PTPRK: variants seen among roughly 807,000 people sequenced by gnomAD.
PTPRK encodes the protein protein tyrosine phosphatase receptor type K, also known as receptor-type tyrosine-protein phosphatase kappa.
PTPRK carries 75 observed loss-of-function variants against 178.0 expected under a neutral mutation model. The observed-to-expected ratio is 0.42, with a 90% CI of 0.35 to 0.51. The LOEUF (loss-of-function observed/expected upper bound fraction) is 0.51. Ranked by LOEUF, PTPRK falls within the 20% of genes least tolerant of loss-of-function variation. The pLI, the probability that PTPRK is intolerant of heterozygous loss-of-function variation, is 0.02. For synonymous variants in PTPRK, 637 were observed against 620.6 expected (o/e 1.03, Z -0.39); for missense variants, 1,441 against 1,797.8 (o/e 0.80, Z 3.59).
intron 13 of PTPRK, among the ~76,000 whole-genome samples, chr6:128,039,903 C>T (rs1379897251): frequency 1.3e-5 from 2 of 152,050 alleles, no homozygotes; most frequent in Admixed American, 6.6e-5. Context: ...ATATTTAGCG[C>T]CTGGTGGAAG....
In PTPRK at chr6:127,995,474, G is replaced by A; in HGVS notation, c.2832C>T (p.Ala944=). The A allele has an allele frequency of 6.3e-7, 1 of 1,591,536 alleles. No homozygotes were observed. Among genetic ancestry groups the A allele is most frequent in the Non-Finnish European group, 8.6e-7 (1 of 1,162,972 alleles). The part of the protein sequence containing the change: ...EDDPSSDYIN[A]NYIDGYQRPS... The stretch of plus-strand genomic sequence containing the variant: ...TAAAAATACTTACATCAATATAGTT[G>A]GCATTAATATAATCTGAGGAAGGAT... The change falls in exon 18 of 30, where the codon GCC becomes GCT. Residue 944 remains alanine, a synonymous_variant. Transcript: ENST00000368226.
intron 21 of PTPRK, among the ~76,000 whole-genome samples, chr6:127,990,207 T>C (rs772082570): frequency 1.3e-5 from 2 of 152,084 alleles, no homozygotes; most frequent in Admixed American, 1.3e-4. Context: ...TCATTTTGTA[T>C]TTCTTTCCCC....
rs1019171212 is a variant in PTPRK, at chr6:128,520,591, C to T, written c.-233G>A. Reference sequence around the variant, plus strand: ...CTCTCCATGCTCGGCGGAGGCTGCTCCTGTTAGTCAAGAGTTACTTTGCTC... The same window carrying T: ...CTCTCCATGCTCGGCGGAGGCTGCTTCTGTTAGTCAAGAGTTACTTTGCTC... On this transcript the variant is annotated 5_prime_UTR_variant, in exon 1 of 30. Transcript: ENST00000368226. 1 of 522,400 alleles carries T rather than the reference C, an allele frequency of 1.9e-6. No individual in the cohort carries two copies. 32.4% of individuals were successfully genotyped at this position (522,400 alleles called of 1,614,324 possible). A position where few individuals can be genotyped will look rare whatever the true frequency, so the allele number is the denominator to read the frequency against.
intron 7 of PTPRK, among the ~76,000 whole-genome samples, chr6:128,147,844 C>T (rs1276058923): frequency 6.6e-6 from 1 of 152,166 alleles, no homozygotes; most frequent in African/African-American, 2.4e-5. Context: ...CAAGTGTCTC[C>T]TTTCCTTCTC....
chr6:128,179,256 T>C (rs1003415029), intron 7 of PTPRK, among the ~76,000 whole-genome samples: 1 of 152,068 alleles, frequency 6.6e-6, no homozygotes, highest in Non-Finnish European at 1.5e-5. Context: ...ACCTATTAAT[T>C]AACACGGTAC....
chr6:128,319,866 AT>A (rs1444290535), intron 3 of PTPRK, among the ~76,000 whole-genome samples: 2 of 152,208 alleles, frequency 1.3e-5, no homozygotes, highest in Non-Finnish European at 2.9e-5. Context: ...AAATGATTAA[AT>A]TGATAAAAAC....
chr6:128,199,410 T>C (rs567747802), intron 6 of PTPRK, among the ~76,000 whole-genome samples: 15 of 152,298 alleles, frequency 9.8e-5, no homozygotes, highest in African/African-American at 3.6e-4. Flanking sequence ...ATTAATGTTA[T>C]AAACCAAGAA....
At chr6:128,015,292 G>C (rs1241490484) in intron 13 of PTPRK, among the ~76,000 whole-genome samples, 1 of 151,676 alleles carries the variant, frequency 6.6e-6, no homozygotes, top group Non-Finnish European at 1.5e-5. Context: ...TCATAGTAAT[G>C]AAGAAGAAAT....
chr6:128,099,852 CTTA>C (rs1228413106), intron 7 of PTPRK, among the ~76,000 whole-genome samples: 2 of 151,910 alleles, frequency 1.3e-5, no homozygotes, highest in Non-Finnish European at 2.9e-5. Context: ...GTTGTGAAGT[CTTA>C]TATTAGGTTT....
intron 17 of PTPRK, 39 bp from the exon 18 acceptor site, chr6:127,995,577 TC>T (rs771403175): frequency 3.9e-6 from 5 of 1,295,122 alleles, no homozygotes; most frequent in East Asian, 5.0e-5. Context: ...TGTTAAATTT[TC>T]CCCCTGTTCT....
At chr6:128,410,451 T>C (rs1180429934) in intron 1 of PTPRK, among the ~76,000 whole-genome samples, 4 of 152,188 alleles carry the variant, frequency 2.6e-5, no homozygotes, top group African/African-American at 7.2e-5. Flanking sequence ...ATTCTGAGCA[T>C]ATTGTAAAAG....
At chr6:128,210,193 A>T (rs149391667) in intron 6 of PTPRK, among the ~76,000 whole-genome samples, 1,712 of 152,290 alleles carry the variant, frequency 0.011, 20 homozygotes, top group Middle Eastern at 0.031. Context: ...AAATATGAAT[A>T]ACGGAATCTA....
In PTPRK at chr6:128,489,565, T is replaced by C. The variant is rs143245576; in HGVS notation, c.100+30694A>G. On this transcript the variant is annotated intron_variant, in intron 1 of 29. Transcript: ENST00000368226. ...TATAACTCTCTTAGTCATATAAAAT[T>C]AAGGAAAATATAAAATCAATAAAAT... Among the ~76,000 whole-genome samples, 369 of 152,322 alleles carry C rather than the reference T, an allele frequency of 2.4e-3. 3 individuals are homozygous for C. The highest frequency in any genetic ancestry group is 8.2e-3 in the African/African-American group (342 of 41,578).
In PTPRK at chr6:128,194,526, G is replaced by A. The variant is rs535971157; in HGVS notation, c.869-9801C>T. 6.6e-5 allele frequency among the ~76,000 whole-genome samples: 10 copies of A among 152,236 alleles called. No individual in the cohort carries two copies. In the East Asian group the frequency reaches 1.7e-3, roughly 27 times the overall value. On this transcript the variant is annotated intron_variant, in intron 6 of 29. Transcript: ENST00000368226. ...AATAAATACAGAAGATTTTTCTCAT[G>A]GTCATTTAATACCTCATTTCAGCTT...
intron 1 of PTPRK, among the ~76,000 whole-genome samples, chr6:128,463,608 G>T (rs1849360686): frequency 6.6e-6 from 1 of 151,996 alleles, no homozygotes; most frequent in African/African-American, 2.4e-5. Flanking sequence ...ATACTTTAAA[G>T]ATATGCACCT....
At chr6:128,422,671 G>A (rs1274196092) in intron 1 of PTPRK, among the ~76,000 whole-genome samples, 4 of 87,300 alleles carry the variant, frequency 4.6e-5, no homozygotes, top group African/African-American at 1.7e-4. Context: ...AACATTTCAC[G>A]GACGCAAAAA....
chr6:128,449,582 C>T (rs1847489597), intron 1 of PTPRK, among the ~76,000 whole-genome samples: 1 of 152,154 alleles, frequency 6.6e-6, no homozygotes, highest in Non-Finnish European at 1.5e-5. Flanking sequence ...AATCTCATCT[C>T]TGCTCTCTAG....
chr6:128,448,388 A>C (rs1015678779), intron 1 of PTPRK, among the ~76,000 whole-genome samples: 1 of 152,204 alleles, frequency 6.6e-6, no homozygotes, highest in Non-Finnish European at 1.5e-5. Context: ...TTCATTTCAC[A>C]CCCTTTCTCA....
chr6:128,352,535 C>T (rs1833335206), intron 2 of PTPRK, among the ~76,000 whole-genome samples: 2 of 152,136 alleles, frequency 1.3e-5, no homozygotes, highest in South Asian at 4.1e-4. Flanking sequence ...CAAAGCTTAT[C>T]TACTGCCCTT....
Sources: gnomAD v4.1 joint callset for allele counts (sites outside exome capture counted in the v4.1 genomes callset) on GRCh38, gnomAD v4.1.1 for gene constraint, MANE v1.5 for transcripts, NCBI Gene and HGNC (gene_info 2026-07-23, HGNC 2026-07-21) for gene names.